NKAIN2: variants seen among roughly 807,000 people sequenced by gnomAD.
NKAIN2 encodes sodium/potassium transporting ATPase interacting 2.
Under a neutral mutation model 32.6 loss-of-function variants are expected in NKAIN2, and 14 were observed. The ratio of observed to expected loss-of-function variants is 0.43; its 90% confidence interval spans 0.28 to 0.67. The LOEUF (loss-of-function observed/expected upper bound fraction) is 0.67. NKAIN2 is among the 30% of genes least tolerant of loss of function. The probability of loss-of-function intolerance (pLI) is 0.17; values close to 1 mark genes in which losing one functional copy is unlikely to be tolerated. For missense variants in NKAIN2, 198 were observed against 258.3 expected (o/e 0.77, Z 1.60); for synonymous variants, 80 against 87.2 (o/e 0.92, Z 0.46).
intron 2 of NKAIN2, among the ~76,000 whole-genome samples, chr6:124,341,411 G>C (rs908503927): frequency 1.3e-5 from 2 of 151,978 alleles, no homozygotes; most frequent in Non-Finnish European, 2.9e-5. Context: ...GAAAAAGAAT[G>C]GAAACCTGTA....
At chr6:124,363,723 C>A (rs1182135261) in intron 3 of NKAIN2, among the ~76,000 whole-genome samples, 1 of 152,104 alleles carries the variant, frequency 6.6e-6, no homozygotes, top group African/African-American at 2.4e-5. Flanking sequence ...CAGCACAATT[C>A]TTGATTGAAA....
intron 1 of NKAIN2, among the ~76,000 whole-genome samples, chr6:123,843,673 C>T (rs899754069): frequency 4.6e-5 from 7 of 152,132 alleles, no homozygotes; most frequent in South Asian, 4.2e-4. Context: ...CTTATCATCA[C>T]GAAATATGAG....
intron 4 of NKAIN2, among the ~76,000 whole-genome samples, chr6:124,704,595 A>G (rs1388963659): frequency 6.6e-6 from 1 of 151,808 alleles, no homozygotes; most frequent in East Asian, 1.9e-4. Context: ...ATAATAGACA[A>G]TGTTTGACTG....
chr6:123,918,954 T>G (rs1775619988), intron 1 of NKAIN2, among the ~76,000 whole-genome samples: 1 of 152,142 alleles, frequency 6.6e-6, no homozygotes, highest in Non-Finnish European at 1.5e-5. Flanking sequence ...ATTGAAATTC[T>G]GCTAGCTGAC....
chr6:124,436,227 C>T (rs1215174271), intron 3 of NKAIN2, among the ~76,000 whole-genome samples: 1 of 152,098 alleles, frequency 6.6e-6, no homozygotes, highest in Non-Finnish European at 1.5e-5. Context: ...AAATGTTATT[C>T]ATTAAAACTA....
intron 3 of NKAIN2, among the ~76,000 whole-genome samples, chr6:124,364,928 C>A (rs536058396): frequency 6.6e-6 from 1 of 151,790 alleles, no homozygotes; most frequent in African/African-American, 2.4e-5. Context: ...TAGAAAGGAG[C>A]TAAAGTGTTC....
chr6:124,012,334 A>ATTTTT (rs36026416), intron 1 of NKAIN2, among the ~76,000 whole-genome samples: 1 of 123,174 alleles, frequency 8.1e-6, no homozygotes, highest in African/African-American at 3.1e-5. Flanking sequence ...ACTCTACATG[A>ATTTTT]TTTTTTTTTT....
intron 3 of NKAIN2, among the ~76,000 whole-genome samples, chr6:124,571,346 CGTGG>C (rs1562262700): frequency 6.6e-6 from 1 of 151,970 alleles, no homozygotes; most frequent in East Asian, 1.9e-4. Context: ...AGGGGCCAGG[CGTGG>C]AATGATAAGG....
intron 2 of NKAIN2, among the ~76,000 whole-genome samples, chr6:124,324,353 G>T (rs1797331472): frequency 6.6e-6 from 1 of 151,438 alleles, no homozygotes; most frequent in South Asian, 2.1e-4. Context: ...AAGTATCTGA[G>T]GCCTTTTTTT....
intron 5 of NKAIN2, among the ~76,000 whole-genome samples, chr6:124,807,540 A>G (rs1437379550): frequency 2.0e-4 from 30 of 150,216 alleles, no homozygotes; most frequent in Middle Eastern, 6.9e-3. Flanking sequence ...GAAAGCAGGA[A>G]AGATCCAAAA....
At chr6:124,637,891 C>G (rs1366030987) in intron 3 of NKAIN2, among the ~76,000 whole-genome samples, 1 of 152,102 alleles carries the variant, frequency 6.6e-6, no homozygotes, top group Non-Finnish European at 1.5e-5. Flanking sequence ...TGACATTCTT[C>G]AAACAGCAAA....
intron 1 of NKAIN2, among the ~76,000 whole-genome samples, chr6:123,862,438 A>G (rs1334486854): frequency 2.0e-5 from 3 of 152,000 alleles, no homozygotes; most frequent in African/African-American, 7.2e-5. Flanking sequence ...CTGATGAGCC[A>G]CTCTGTCTCC....
intron 3 of NKAIN2, among the ~76,000 whole-genome samples, chr6:124,483,720 A>G (rs1163212146): frequency 2.0e-5 from 3 of 152,100 alleles, no homozygotes; most frequent in African/African-American, 4.8e-5. Flanking sequence ...CCTAGAAACC[A>G]TATGAGAATC....
chr6:124,388,394 T>G (rs1387607851), intron 3 of NKAIN2, among the ~76,000 whole-genome samples: 1 of 128,026 alleles, frequency 7.8e-6, no homozygotes, highest in Admixed American at 7.0e-5. Flanking sequence ...TCTGGGGTTC[T>G]TTCTCAGAGT....
intron 1 of NKAIN2, among the ~76,000 whole-genome samples, chr6:123,937,332 G>C (rs374656326): frequency 6.6e-6 from 1 of 151,972 alleles, no homozygotes; most frequent in East Asian, 1.9e-4. Flanking sequence ...GATTTGTTCA[G>C]GACTTCTCTG....
At chr6:124,521,012 C>G (rs556094096) in intron 3 of NKAIN2, among the ~76,000 whole-genome samples, 1 of 152,142 alleles carries the variant, frequency 6.6e-6, no homozygotes, top group South Asian at 2.1e-4. Flanking sequence ...TTTATTATTT[C>G]TAGTAGCTTT....
intron 1 of NKAIN2, among the ~76,000 whole-genome samples, chr6:124,053,669 T>G (rs2114839403): frequency 6.6e-6 from 1 of 152,182 alleles, no homozygotes; most frequent in Admixed American, 6.6e-5. Flanking sequence ...GTCCACTCAA[T>G]TTTTAGATAA....
At chr6:124,210,576 T>C (rs911096329) in intron 1 of NKAIN2, among the ~76,000 whole-genome samples, 4 of 151,838 alleles carry the variant, frequency 2.6e-5, no homozygotes, top group Non-Finnish European at 5.9e-5. Flanking sequence ...ACATCTTTCA[T>C]TCTTTTGTGT....
At chr6:123,890,109 A>G (rs995702005) in intron 1 of NKAIN2, among the ~76,000 whole-genome samples, 1 of 152,050 alleles carries the variant, frequency 6.6e-6, no homozygotes, top group African/African-American at 2.4e-5. Context: ...TTGTTATCTC[A>G]TACTGGCTTA....
Sources: allele counts gnomAD v4.1 joint callset (sites outside exome capture counted in the v4.1 genomes callset), GRCh38; gene constraint gnomAD v4.1.1; transcripts MANE v1.5; gene names NCBI Gene and HGNC (gene_info 2026-07-23, HGNC 2026-07-21).